TTC39B: variants seen among roughly 807,000 people sequenced by gnomAD.
TTC39B encodes tetratricopeptide repeat protein 39B.
A neutral mutation model predicts 96.6 loss-of-function variants in TTC39B; 92 were observed. The observed-to-expected ratio is 0.95, with a 90% CI of 0.80 to 1.13. The LOEUF (loss-of-function observed/expected upper bound fraction) is 1.13, where lower values mean the gene tolerates loss of function less well. Ranked by LOEUF, TTC39B falls within the 50% of genes most tolerant of loss-of-function variation. TTC39B has a pLI of 0.00. For missense variants in TTC39B, 955 were observed against 809.3 expected, an observed-to-expected ratio of 1.18 and a Z score of -2.18; for synonymous variants, 367 against 299.4, an observed-to-expected ratio of 1.23 and a Z score of -2.33.
chr9:15,177,753 G>C (rs2118530167), exon 18 of TTC39B: 1 of 1,613,232 alleles, frequency 6.2e-7, no homozygotes. Flanking sequence ...GTAAGTTCTT[G>C]AGGCAACATC....
intron 1 of TTC39B, among the ~76,000 whole-genome samples, chr9:15,278,232 C>T (rs1823621532): frequency 6.6e-6 from 1 of 152,082 alleles, no homozygotes; most frequent in African/African-American, 2.4e-5. Flanking sequence ...TCAATCTTAA[C>T]ATTGAACAAA....
At chr9:15,188,964 G>A (rs1818693918) in intron 13 of TTC39B, among the ~76,000 whole-genome samples, 1 of 151,938 alleles carries the variant, frequency 6.6e-6, no homozygotes. Context: ...TCCATCCCAT[G>A]AAATGAAACC....
At chr9:15,198,788 C>T (rs965046648) in intron 8 of TTC39B, among the ~76,000 whole-genome samples, 5 of 151,744 alleles carry the variant, frequency 3.3e-5, no homozygotes, top group East Asian at 3.9e-4. Context: ...ACAAGAAATA[C>T]AATTTAAATA....
exon 20 of TTC39B, chr9:15,166,982 T>TTTTTTTTTTATATATATATA (rs1387664027): frequency 4.9e-5 from 1 of 20,278 alleles, no homozygotes; most frequent in Non-Finnish European, 8.8e-5. Flanking sequence ...AACCTTTATT[T>TTTTTTTTTTATATATATATA]TATATATATA....
At position 15,289,166 on chromosome 9, in the gene TTC39B, C is replaced by T. The variant is rs1824088209; in HGVS notation, c.240+17918G>A. 2.6e-5 allele frequency among the ~76,000 whole-genome samples: 4 copies of T among 152,270 alleles called. No individual in the cohort carries two copies. In the South Asian group the frequency reaches 8.3e-4, roughly 32 times the overall value. ...CCTTGGTTACCTGGCTTCAGCCAGT[C>T]CTCCAAAAGGACATTTACCAGTGTT... On this transcript the variant is annotated intron_variant, in intron 1 of 19. Coordinates refer to ENST00000512701, the Ensembl canonical transcript of TTC39B.
At chr9:15,206,325 C>G (rs1819854640) in intron 6 of TTC39B, among the ~76,000 whole-genome samples, 1 of 152,098 alleles carries the variant, frequency 6.6e-6, no homozygotes, top group South Asian at 2.1e-4. Context: ...CTGTAGACAA[C>G]CAGACACTCA....
At chr9:15,253,373 T>A (rs1346056715) in intron 2 of TTC39B, among the ~76,000 whole-genome samples, 1 of 152,170 alleles carries the variant, frequency 6.6e-6, no homozygotes, top group Non-Finnish European at 1.5e-5. Flanking sequence ...AGATGCAGGA[T>A]GTGGCCAAGA....
At chr9:15,181,783 A>T (rs116362226) in intron 17 of TTC39B, among the ~76,000 whole-genome samples, 17 of 152,202 alleles carry the variant, frequency 1.1e-4, no homozygotes, top group Non-Finnish European at 2.2e-4. Flanking sequence ...TAAAATTCCA[A>T]TGCTGGGCTT....
chr9:15,273,358 T>C (rs1488572679), intron 1 of TTC39B, among the ~76,000 whole-genome samples: 1 of 152,186 alleles, frequency 6.6e-6, no homozygotes, highest in Non-Finnish European at 1.5e-5. Flanking sequence ...CAAATATTAC[T>C]GCAAGAAGGA....
At chr9:15,278,186 T>C (rs1310665422) in intron 1 of TTC39B, among the ~76,000 whole-genome samples, 1 of 152,212 alleles carries the variant, frequency 6.6e-6, no homozygotes, top group African/African-American at 2.4e-5. Flanking sequence ...GGTTAAGTCC[T>C]AAGGTCAGTA....
chr9:15,265,033 A>C (rs571579254), intron 2 of TTC39B, among the ~76,000 whole-genome samples: 2 of 152,162 alleles, frequency 1.3e-5, no homozygotes, highest in Non-Finnish European at 2.9e-5. Flanking sequence ...TATTTGACAA[A>C]GGAGGTATCA....
At chr9:15,290,456 T>C (rs975210995) in intron 1 of TTC39B, among the ~76,000 whole-genome samples, 2 of 152,172 alleles carry the variant, frequency 1.3e-5, no homozygotes, top group Non-Finnish European at 2.9e-5. Flanking sequence ...GGCCCCAGAA[T>C]CTTTACCATA....
intron 2 of TTC39B, among the ~76,000 whole-genome samples, chr9:15,253,434 T>C (rs561188996): frequency 4.5e-4 from 68 of 152,314 alleles, no homozygotes; most frequent in African/African-American, 1.5e-3. Context: ...GGCAAGGAAA[T>C]GGATTCTCCT....
chr9:15,175,158 AG>A, intron 18 of TTC39B, 23 bp from the exon 19 acceptor site: 2 of 1,495,614 alleles, frequency 1.3e-6, no homozygotes, highest in Non-Finnish European at 1.9e-6. Context: ...AGGAAAATCA[AG>A]TAAATCTTAA....
intron 2 of TTC39B, among the ~76,000 whole-genome samples, chr9:15,247,561 A>G (rs551396121): frequency 2.6e-5 from 4 of 152,286 alleles, no homozygotes; most frequent in African/African-American, 9.6e-5. Flanking sequence ...CTAAAATTCA[A>G]GAAACCCTTG....
intron 2 of TTC39B, among the ~76,000 whole-genome samples, chr9:15,263,650 A>G (rs182893947): frequency 6.6e-6 from 1 of 152,346 alleles, no homozygotes; most frequent in Admixed American, 6.5e-5. Flanking sequence ...AGTACGCACA[A>G]GACCAAAAGG....
At chr9:15,185,683 A>T (rs1818486357) in intron 15 of TTC39B, among the ~76,000 whole-genome samples, 1 of 152,254 alleles carries the variant, frequency 6.6e-6, no homozygotes, top group African/African-American at 2.4e-5. Flanking sequence ...ATTTCTTTCC[A>T]GTCAACTTAG....
At chr9:15,282,689 C>T (rs1214107754) in intron 1 of TTC39B, among the ~76,000 whole-genome samples, 2 of 152,150 alleles carry the variant, frequency 1.3e-5, no homozygotes, top group Non-Finnish European at 1.5e-5. Flanking sequence ...AACTGATTTG[C>T]TCTTCATAAA....
chr9:15,195,581 A>G (rs2131283512), intron 8 of TTC39B, among the ~76,000 whole-genome samples: 1 of 151,532 alleles, frequency 6.6e-6, no homozygotes, highest in South Asian at 2.1e-4. Flanking sequence ...GAGGCAGGAG[A>G]ATCACTTGAA....
Sources: gnomAD v4.1 joint callset for allele counts (sites outside exome capture counted in the v4.1 genomes callset) on GRCh38, gnomAD v4.1.1 for gene constraint, MANE v1.5 for transcripts, NCBI Gene and HGNC (gene_info 2026-07-23, HGNC 2026-07-21) for gene names.